PANK1: variants seen among roughly 807,000 people sequenced by gnomAD.
PANK1 encodes the protein pantothenic acid kinase 1.
A neutral mutation model predicts 40.1 loss-of-function variants in PANK1; 18 were observed. The observed-to-expected ratio is 0.45, with a 90% confidence interval of 0.31 to 0.67. The LOEUF (loss-of-function observed/expected upper bound fraction) is 0.67, where lower values mean the gene tolerates loss of function less well. Ranked by LOEUF, PANK1 falls within the 30% of genes least tolerant of loss-of-function variation. The pLI is 0.06. For synonymous variants in PANK1, 242 were observed against 237.7 expected (o/e 1.02, Z -0.17); for missense variants, 457 against 599.6 (o/e 0.76, Z 2.48).
intron 3 of PANK1, among the ~76,000 whole-genome samples, chr10:89,598,765 C>T (rs1844686598): frequency 6.6e-6 from 1 of 151,690 alleles, no homozygotes; most frequent in African/African-American, 2.4e-5. Flanking sequence ...GCTGACTATT[C>T]CAGTTTTCAG....
At chr10:89,620,113 T>G (rs1443161287) in intron 1 of PANK1, among the ~76,000 whole-genome samples, 1 of 152,242 alleles carries the variant, frequency 6.6e-6, no homozygotes, top group African/African-American at 2.4e-5. Flanking sequence ...AAACTGAGGA[T>G]GTATATCCCC....
chr10:89,592,156 G>A lies in PANK1; in HGVS notation c.1200+1041C>T, dbSNP rs141923858. 4.1e-3 allele frequency among the ~76,000 whole-genome samples: 620 copies of A among 152,258 alleles called. 3 individuals carry two copies. The highest frequency in any genetic ancestry group is 0.014 in the African/African-American group (581 of 41,554). ...AGTATCAGCCTCCCATTTAAACTCC[G>A]TCTGAACTGAGGGCTTCCAAAAAGG... On this transcript the variant is annotated intron_variant, in intron 5 of 6. Transcript: ENST00000307534.
chr10:89,595,873 T>TATATATATAAAA (rs781450193), intron 3 of PANK1, among the ~76,000 whole-genome samples: 5 of 81,486 alleles, frequency 6.1e-5, no homozygotes, highest in South Asian at 4.9e-4. Context: ...TATATATATA[T>TATATATATAAAA]AACTTCATTT....
chr10:89,621,299 T>A (rs1845477595), intron 1 of PANK1, among the ~76,000 whole-genome samples: 1 of 124,112 alleles, frequency 8.1e-6, no homozygotes, highest in Non-Finnish European at 1.7e-5. Context: ...ACAAACTCTG[T>A]CTCATAAAAA....
intron 1 of PANK1, chr10:89,625,923 C>A (rs542311557): frequency 6.6e-6 from 1 of 152,048 alleles, no homozygotes; most frequent in South Asian, 2.1e-4. Context: ...TCAGTCTTTT[C>A]GTTAAGTCCC....
At chr10:89,585,519 T>C (rs1251916712) in intron 6 of PANK1, among the ~76,000 whole-genome samples, 3 of 152,190 alleles carry the variant, frequency 2.0e-5, no homozygotes, top group Admixed American at 1.3e-4. Flanking sequence ...GCTGTCTGCT[T>C]ACATTTATTG....
At chr10:89,632,065 T>C (rs910582837) in intron 1 of PANK1, among the ~76,000 whole-genome samples, 1 of 152,072 alleles carries the variant, frequency 6.6e-6, no homozygotes, top group African/African-American at 2.4e-5. Context: ...TCTGCTTCAA[T>C]ATTATAAAAT....
chr10:89,599,590 G>A, intron 2 of PANK1, 85 bp from the exon 3 acceptor site: 2 of 1,303,136 alleles, frequency 1.5e-6, no homozygotes, highest in East Asian at 4.7e-5. Flanking sequence ...TTTAAGATGG[G>A]GTCATTCACA....
chr10:89,635,987 G>A (rs1304791043), intron 1 of PANK1, among the ~76,000 whole-genome samples: 1 of 152,230 alleles, frequency 6.6e-6, no homozygotes, highest in East Asian at 1.9e-4. Flanking sequence ...CAAGGCCTCA[G>A]GTAGGCAGGC....
intron 3 of PANK1, among the ~76,000 whole-genome samples, chr10:89,598,432 A>AG (rs1237365859): frequency 1.3e-5 from 2 of 152,268 alleles, no homozygotes; most frequent in African/African-American, 4.8e-5. Flanking sequence ...CAAGTCCCAA[A>AG]GCACATTCTA....
At position 89,644,877 on chromosome 10, in the gene PANK1, G is replaced by A; in HGVS notation, c.15C>T (p.Ser5=). 6.7e-7 allele frequency: 1 copy of A among 1,494,698 alleles called. No homozygotes were observed. The highest frequency in any genetic ancestry group is 8.9e-7 in the Non-Finnish European group (1 of 1,127,234). 92.6% of individuals were successfully genotyped at this position (1,494,698 alleles called of 1,614,324 possible). Residue 5 remains serine (S), a synonymous_variant, in exon 1 of 7, where the codon AGC becomes AGT. Transcript: ENST00000307534. MGDR[S]GQQERSVPHS... is the part of the protein sequence containing the mutation. The stretch of plus-strand genomic sequence containing the variant: ...GCGGGACCGAGCGCTCCTGCTGCCC[G>A]CTGCGGTCGCCCATGCCGGGGGCTG...
intron 2 of PANK1, among the ~76,000 whole-genome samples, chr10:89,608,084 T>G (rs1014864500): frequency 6.8e-5 from 10 of 148,094 alleles, no homozygotes; most frequent in Admixed American, 4.9e-4. Context: ...CCGGCTGGAG[T>G]GCAGTGTTGC....
At chr10:89,638,166 T>C (rs1473844231) in intron 1 of PANK1, among the ~76,000 whole-genome samples, 1 of 152,256 alleles carries the variant, frequency 6.6e-6, no homozygotes, top group Non-Finnish European at 1.5e-5. Flanking sequence ...CATTGAGTTA[T>C]GATGTTCAAT....
chr10:89,589,207 GA>G (rs1179615195), intron 5 of PANK1, among the ~76,000 whole-genome samples: 3 of 152,046 alleles, frequency 2.0e-5, no homozygotes, highest in Non-Finnish European at 2.9e-5. Context: ...TTTGTGTAAT[GA>G]ATAATGCTCA....
chr10:89,601,172 A>G (rs900821163), intron 2 of PANK1, among the ~76,000 whole-genome samples: 2 of 152,094 alleles, frequency 1.3e-5, no homozygotes, highest in Non-Finnish European at 2.9e-5. Context: ...TCTTCATTAT[A>G]AAAGTTAAGA....
intron 1 of PANK1, among the ~76,000 whole-genome samples, chr10:89,637,368 A>G (rs1274222367): frequency 2.0e-5 from 3 of 152,230 alleles, no homozygotes; most frequent in Admixed American, 1.3e-4. Flanking sequence ...TTGTGCAAAC[A>G]GCATAGAGTG....
intron 1 of PANK1, among the ~76,000 whole-genome samples, chr10:89,625,162 A>C (rs1226693958): frequency 6.6e-6 from 1 of 152,192 alleles, no homozygotes; most frequent in African/African-American, 2.4e-5. Context: ...CAGCCTCCCA[A>C]AGTGCTGGAA....
intron 1 of PANK1, 57 bp downstream of exon 1, chr10:89,644,543 C>T (rs907250638): frequency 4.0e-6 from 6 of 1,492,928 alleles, no homozygotes; most frequent in Admixed American, 3.7e-5. Context: ...CTCCCAGTCC[C>T]GGGCCCCGCA....
intron 5 of PANK1, 115 bp downstream of exon 5, chr10:89,593,082 G>T: frequency 9.4e-7 from 1 of 1,058,396 alleles, no homozygotes; most frequent in Non-Finnish European, 1.4e-6. Context: ...TGTGACTAGA[G>T]TAAAGGGAAG....
Sources: allele counts gnomAD v4.1 joint callset (sites outside exome capture counted in the v4.1 genomes callset), GRCh38; gene constraint gnomAD v4.1.1; transcripts MANE v1.5; gene names NCBI Gene and HGNC (gene_info 2026-07-23, HGNC 2026-07-21).